Variants in VPS53 observed in about 807,000 individuals in gnomAD.
VPS53 encodes the protein vacuolar protein sorting-associated protein 53 homolog.
VPS53 carries 70 observed loss-of-function variants against 107.0 expected under a neutral mutation model. The ratio of observed to expected loss-of-function variants is 0.65; its 90% CI spans 0.54 to 0.80. The LOEUF (loss-of-function observed/expected upper bound fraction) is 0.80, where lower values mean the gene tolerates loss of function less well. VPS53 is among the 30% of genes least tolerant of loss of function. The probability of loss-of-function intolerance (pLI) is 0.00; values close to 1 mark genes in which losing one functional copy is unlikely to be tolerated. For synonymous variants in VPS53, 409 were observed against 393.3 expected, an observed-to-expected ratio of 1.04 and a Z score of -0.47; for missense variants, 917 against 1,049.4, an observed-to-expected ratio of 0.87 and a Z score of 1.74.
rs1908594171 is a variant in VPS53, at chr17:519,912, C to G, written c.2242G>C (p.Glu748Gln). Reference protein sequence around the residue: ...MILKVVMAPHEPLVVFVDNYI... With the variant: ...MILKVVMAPHQPLVVFVDNYI... Reference sequence around the variant, plus strand: ...TTGTCAACAAACACCACCAACGGTTCATGAGGGGCCATCACTACCTACAGC... The same window carrying G: ...TTGTCAACAAACACCACCAACGGTTGATGAGGGGCCATCACTACCTACAGC... Residue 748 changes from glutamate (E) to glutamine (Q), a missense_variant, in exon 21 of 22, where the codon GAA (glutamate) becomes CAA (glutamine). By Grantham distance (29) the Glu-to-Gln change is conservative (BLOSUM62 2). Coordinates refer to ENST00000437048, the MANE Select transcript of VPS53 (RefSeq NM_001128159.3). The surrounding 1 kb of genome is among the most constrained non-coding windows in gnomAD (Gnocchi z 5.0). The G allele has an allele frequency of 1.3e-6, 2 of 1,551,600 alleles. No homozygotes were observed.
intron 7 of VPS53, among the ~76,000 whole-genome samples, chr17:636,004 C>T (rs146150617): frequency 0.016 from 2,363 of 152,284 alleles, 24 homozygotes; most frequent in Middle Eastern, 0.031. Context: ...GCCATTTTCA[C>T]GATATTGGTT....
At chr17:588,727 T>C (rs1321034188) in intron 12 of VPS53, among the ~76,000 whole-genome samples, 1 of 152,246 alleles carries the variant, frequency 6.6e-6, no homozygotes, top group East Asian at 1.9e-4. Context: ...GGCCTTGGAC[T>C]GAGCCCACAA....
intron 18 of VPS53, 99 bp from the exon 19 acceptor site, chr17:533,010 T>G (rs1909721545): frequency 6.7e-7 from 1 of 1,502,344 alleles, no homozygotes. Flanking sequence ...AAAAACCTTT[T>G]TTAATGAAGA....
chr17:631,935 T>G (rs1379670928), intron 7 of VPS53, among the ~76,000 whole-genome samples: 1 of 152,104 alleles, frequency 6.6e-6, no homozygotes, highest in Non-Finnish European at 1.5e-5. Context: ...GGGAAAATGT[T>G]ATAGAATCAC....
intron 13 of VPS53, among the ~76,000 whole-genome samples, chr17:582,164 G>T (rs1279568015): frequency 6.8e-6 from 1 of 147,406 alleles, no homozygotes; most frequent in African/African-American, 2.5e-5. Context: ...AACCTAATGT[G>T]TTCCCAGAGA....
Position 510,699 on chromosome 17 carries a change from T to G in VPS53, c.*8429A>C, listed in dbSNP as rs145804694. 9 of 153,000 alleles carry G rather than the reference T, an allele frequency of 5.9e-5. No individual in the cohort carries two copies. In the East Asian group the frequency reaches 1.5e-3, roughly 26 times the overall value. 9.5% of individuals were successfully genotyped at this position (153,000 alleles called of 1,614,324 possible). A position where few individuals can be genotyped will look rare whatever the true frequency, so the allele number is the denominator to read the frequency against. On this transcript the variant is annotated 3_prime_UTR_variant, in exon 22 of 22. Transcript: ENST00000437048. ...CCTTTTCCTTCCCACCCCACCAACA[T>G]GTACAGATAGCACTGAATTGCCCAG...
intron 5 of VPS53, chr17:657,581 C>T: frequency 1.2e-6 from 1 of 864,770 alleles, no homozygotes; most frequent in South Asian, 1.4e-5. Flanking sequence ...GGACCTTTGT[C>T]TTCCGGTGCA....
rs34123743 is a variant in VPS53, at chr17:656,700, A to ATGTGTGTGTGTGTG, written c.373-761_373-748dup. On this transcript the variant is annotated intron_variant, in intron 5 of 21. Coordinates refer to ENST00000437048, the MANE Select transcript of VPS53 (RefSeq NM_001128159.3). ...TTTCTTGGTCCATGCTGACTAAGAA[A>ATGTGTGTGTGTGTG]TGTGTGTGTGTGTGTGTGTGTGTGT... 2,773 of 554,254 alleles carry ATGTGTGTGTGTGTG rather than the reference A, an allele frequency of 5.0e-3. 14 individuals carry two copies. Among genetic ancestry groups the ATGTGTGTGTGTGTG allele is most frequent in the Admixed American group, 0.022 (728 of 33,076 alleles). 34.3% of individuals were successfully genotyped at this position (554,254 alleles called of 1,614,324 possible).
At chr17:522,968 C>T (rs1040458039) in intron 19 of VPS53, 2 of 151,946 alleles carry the variant, frequency 1.3e-5, no homozygotes, top group African/African-American at 2.4e-5. Flanking sequence ...AAAAGTTGGA[C>T]GGGAAGCTGG....
intron 2 of VPS53, among the ~76,000 whole-genome samples, chr17:703,444 G>T (rs904524858): frequency 1.4e-4 from 21 of 152,196 alleles, no homozygotes; most frequent in African/African-American, 4.8e-4. Context: ...ACTCTCATCA[G>T]TTAGTTCAGT....
chr17:611,138 C>T (rs892634907), intron 11 of VPS53, among the ~76,000 whole-genome samples: 10 of 152,096 alleles, frequency 6.6e-5, no homozygotes, highest in Middle Eastern at 6.8e-3. Context: ...CTCAGCCTCC[C>T]GAGTAGCTGG....
intron 5 of VPS53, among the ~76,000 whole-genome samples, chr17:659,977 C>G (rs1971378630): frequency 6.6e-6 from 1 of 152,190 alleles, no homozygotes; most frequent in African/African-American, 2.4e-5. Flanking sequence ...GTACTCAGGT[C>G]AAACCTACAC....
In VPS53 at chr17:508,717, A is replaced by G. The variant is rs1907749061; in HGVS notation, c.*10411T>C. 6.6e-6 allele frequency: 1 copy of G among 152,180 alleles called. No homozygotes were observed. Among genetic ancestry groups the G allele is most frequent in the Non-Finnish European group, 1.5e-5 (1 of 68,030 alleles). The allele number at this position is 152,180 out of a possible 1,614,324, so 9.4% of individuals were successfully genotyped here. A position where few individuals can be genotyped will look rare whatever the true frequency, so the allele number is the denominator to read the frequency against. ...GAAGAGCCTCTACCATTGCAAGAAGAGCTGTTTAAAACAAAACAAAATGGA... is the reference window on the plus strand; with the variant it reads ...GAAGAGCCTCTACCATTGCAAGAAGGGCTGTTTAAAACAAAACAAAATGGA... On this transcript the variant is annotated 3_prime_UTR_variant, in exon 22 of 22. Coordinates refer to ENST00000437048, the MANE Select transcript of VPS53 (RefSeq NM_001128159.3).
chr17:672,628 A>C (rs2143715203), intron 4 of VPS53, among the ~76,000 whole-genome samples: 1 of 152,332 alleles, frequency 6.6e-6, no homozygotes, highest in Non-Finnish European at 1.5e-5. Context: ...AACCATGCTG[A>C]AAATGAGACA....
At chr17:635,564 A>G (rs1358639463) in intron 7 of VPS53, among the ~76,000 whole-genome samples, 1 of 152,100 alleles carries the variant, frequency 6.6e-6, no homozygotes, top group Non-Finnish European at 1.5e-5. Flanking sequence ...ATCTTGAATT[A>G]ATTTTTGTAT....
At chr17:597,690 G>A (rs12601740) in intron 12 of VPS53, among the ~76,000 whole-genome samples, 24,241 of 151,880 alleles carry the variant, frequency 0.16, 2,181 homozygotes, top group East Asian at 0.39. Flanking sequence ...TTACAGGCAT[G>A]CACCACCACG....
chr17:609,888 G>C (rs1031988694), intron 11 of VPS53, among the ~76,000 whole-genome samples: 1 of 152,096 alleles, frequency 6.6e-6, no homozygotes, highest in African/African-American at 2.4e-5. Context: ...CCAGCACTTT[G>C]GGAGGCCGAG....
chr17:697,416 A>C lies in VPS53; in HGVS notation c.285+2T>G. On this transcript the variant is annotated splice_donor_variant, in intron 4 of 21. Coordinates refer to ENST00000437048, the MANE Select transcript of VPS53 (RefSeq NM_001128159.3). LOFTEE classifies it high-confidence loss of function. ...GGTAATATGGAGGAATGAGTTACTT[A>C]CTTGCCGTCCATCCTGCCCCACGTT... 2 of 1,613,250 alleles carry C rather than the reference A, an allele frequency of 1.2e-6. No individual in the cohort carries two copies. The highest frequency in any genetic ancestry group is 1.7e-6 in the Non-Finnish European group (2 of 1,179,168).
chr17:642,007 C>T (rs1292352978), intron 7 of VPS53, among the ~76,000 whole-genome samples: 1 of 152,154 alleles, frequency 6.6e-6, no homozygotes, highest in Non-Finnish European at 1.5e-5. Flanking sequence ...CTCAGCTTTT[C>T]GTAAGGGGGA....
Sources: gnomAD v4.1 joint callset for allele counts (sites outside exome capture counted in the v4.1 genomes callset) on GRCh38, gnomAD v4.1.1 for gene constraint, Gnocchi (gnomAD v3.1) non-coding constraint, MANE v1.5 for transcripts, NCBI Gene and HGNC (gene_info 2026-07-23, HGNC 2026-07-21) for gene names.